The following ABTB3 variants were observed in gnomAD, a reference collection of about 807,000 sequenced individuals.
ABTB3 encodes the protein ankyrin repeat and BTB domain containing 3.
At chr12:107,410,266 G>T in the ABTB3 span, among the ~76,000 whole-genome samples, 1 of 151,778 alleles carries the variant, frequency 6.6e-6, no homozygotes, top group East Asian at 1.9e-4. Context: ...CTAAGGAACG[G>T]GGGCAGAGTG....
chr12:107,563,634 A>G, the ABTB3 span, among the ~76,000 whole-genome samples: 1 of 150,768 alleles, frequency 6.6e-6, no homozygotes, highest in African/African-American at 2.4e-5. Flanking sequence ...CCTATGGAGG[A>G]AGAGGGAAAA....
chr12:107,403,668 A>G, the ABTB3 span, among the ~76,000 whole-genome samples: 57 of 152,286 alleles, frequency 3.7e-4, no homozygotes, highest in Admixed American at 1.1e-3. Flanking sequence ...ACTTACAGCT[A>G]TCTGGGAGCA....
the ABTB3 span, among the ~76,000 whole-genome samples, chr12:107,503,560 A>G: frequency 1.3e-5 from 2 of 151,820 alleles, no homozygotes; most frequent in Admixed American, 1.3e-4. Context: ...GAGTTTGAGA[A>G]CAGCCTGGAC....
chr12:107,566,277 C>A, the ABTB3 span, among the ~76,000 whole-genome samples: 1 of 151,956 alleles, frequency 6.6e-6, no homozygotes, highest in South Asian at 2.1e-4. Flanking sequence ...CATTCCCATC[C>A]CCTACTTCCT....
At chr12:107,617,713 G>T in the ABTB3 span, 1 of 450,566 alleles carries the variant, frequency 2.2e-6, no homozygotes. Context: ...CTCAGGGCAC[G>T]TCATGTCAGC....
the ABTB3 span, among the ~76,000 whole-genome samples, chr12:107,333,853 G>A: frequency 3.7e-4 from 56 of 152,254 alleles, no homozygotes; most frequent in African/African-American, 1.1e-3. Flanking sequence ...ATAAATCAGA[G>A]TAAGGGGAAT....
the ABTB3 span, among the ~76,000 whole-genome samples, chr12:107,580,231 CTA>C: frequency 6.6e-6 from 1 of 152,194 alleles, no homozygotes; most frequent in South Asian, 2.1e-4. Flanking sequence ...CAGCTGCACC[CTA>C]TACCAATTAA....
At chr12:107,362,790 TA>T in the ABTB3 span, among the ~76,000 whole-genome samples, 286 of 141,634 alleles carry the variant, frequency 2.0e-3, no homozygotes, top group Middle Eastern at 3.5e-3. Context: ...AAACCCTGTC[TA>T]AAAAAAAAAA....
chr12:107,361,456 T>C, the ABTB3 span, among the ~76,000 whole-genome samples: 34 of 152,352 alleles, frequency 2.2e-4, no homozygotes, highest in Admixed American at 1.2e-3. Context: ...TTTAGTTGTT[T>C]CTCATTTTTC....
At chr12:107,437,401 CTT>C in the ABTB3 span, among the ~76,000 whole-genome samples, 13,323 of 138,076 alleles carry the variant, frequency 0.096, 1,850 homozygotes, top group African/African-American at 0.31. Context: ...TTTCTTTTTT[CTT>C]TTTTTTTTTT....
chr12:107,480,995 C>G, the ABTB3 span, among the ~76,000 whole-genome samples: 19 of 152,162 alleles, frequency 1.2e-4, no homozygotes, highest in Non-Finnish European at 2.8e-4. Context: ...GTTCTCTGGG[C>G]AGTCAGCCTT....
chr12:107,456,809 C>G, the ABTB3 span, among the ~76,000 whole-genome samples: 4 of 151,744 alleles, frequency 2.6e-5, no homozygotes, highest in African/African-American at 9.7e-5. Context: ...TGAACTTGAA[C>G]AGTTTGGTTC....
chr12:107,492,721 A>C, the ABTB3 span, among the ~76,000 whole-genome samples: 4 of 152,268 alleles, frequency 2.6e-5, no homozygotes, highest in East Asian at 7.7e-4. Context: ...GAGGAGGCCA[A>C]ATCAACCACA....
At chr12:107,498,306 T>C in the ABTB3 span, among the ~76,000 whole-genome samples, 1 of 152,184 alleles carries the variant, frequency 6.6e-6, no homozygotes, top group Non-Finnish European at 1.5e-5. Flanking sequence ...AAATTAGATG[T>C]CTGGACTTCT....
At chr12:107,516,608 G>C in the ABTB3 span, among the ~76,000 whole-genome samples, 1 of 152,202 alleles carries the variant, frequency 6.6e-6, no homozygotes, top group East Asian at 1.9e-4. Context: ...CTCACCCTCT[G>C]TTAGATGTGA....
chr12:107,621,894 C>T, the ABTB3 span, among the ~76,000 whole-genome samples: 51 of 152,320 alleles, frequency 3.3e-4, no homozygotes, highest in Middle Eastern at 3.4e-3. Flanking sequence ...ATACAAAATA[C>T]CCTCCATTCA....
the ABTB3 span, among the ~76,000 whole-genome samples, chr12:107,506,406 T>C: frequency 6.6e-6 from 1 of 152,170 alleles, no homozygotes; most frequent in Non-Finnish European, 1.5e-5. Context: ...GCATGACACA[T>C]GTCAGGCAAA....
At chr12:107,490,671 A>G in the ABTB3 span, among the ~76,000 whole-genome samples, 5 of 152,124 alleles carry the variant, frequency 3.3e-5, no homozygotes, top group Non-Finnish European at 7.3e-5. Context: ...TATTTTCTTC[A>G]TCTCATTACT....
chr12:107,546,090 A>G, the ABTB3 span, among the ~76,000 whole-genome samples: 6 of 152,172 alleles, frequency 3.9e-5, no homozygotes, highest in African/African-American at 1.4e-4. Flanking sequence ...TACTTAACGT[A>G]ATTTGTAACT....
Sources: gnomAD v4.1 joint callset for allele counts (sites outside exome capture counted in the v4.1 genomes callset) on GRCh38, gnomAD v4.1.1 for gene constraint, MANE v1.5 for transcripts, NCBI Gene and HGNC (gene_info 2026-07-23, HGNC 2026-07-21) for gene names.